The following PDE4D variants were observed in gnomAD, a reference collection of about 807,000 sequenced individuals.
PDE4D encodes 3',5'-cyclic-AMP phosphodiesterase 4D.
Under a neutral mutation model 87.4 loss-of-function variants are expected in PDE4D, and 24 were observed. The ratio of observed to expected loss-of-function variants is 0.27; its 90% CI spans 0.20 to 0.39. PDE4D has a LOEUF of 0.39. PDE4D is among the 10% of genes least tolerant of loss of function. The probability of loss-of-function intolerance (pLI) is 1.00; values close to 1 mark genes in which losing one functional copy is unlikely to be tolerated. For synonymous variants in PDE4D, 384 were observed against 383.2 expected (o/e 1.00, Z -0.02); for missense variants, 714 against 1,041.0 (o/e 0.69, Z 4.32).
chr5:59,361,922 C>A (rs1036341380), intron 1 of PDE4D, among the ~76,000 whole-genome samples: 1 of 152,076 alleles, frequency 6.6e-6, no homozygotes, highest in African/African-American at 2.4e-5. Flanking sequence ...TATTTAGTTT[C>A]TTTTTCCTAT....
chr5:60,323,953 C>G lies in PDE4D; in HGVS notation c.-89-138266G>C, dbSNP rs113522576. Among the ~76,000 whole-genome samples, 8 of 152,266 alleles carry G rather than the reference C, an allele frequency of 5.3e-5. 1 individual carries two copies. Among genetic ancestry groups the G allele is most frequent in the African/African-American group, 1.9e-4 (8 of 41,496 alleles). Reference sequence around the variant, plus strand: ...TATGGCCCCAACAAGAACTAACTCTCTCATTAATTTCCTCTGGTAGCACCA... The same window carrying G: ...TATGGCCCCAACAAGAACTAACTCTGTCATTAATTTCCTCTGGTAGCACCA... On this transcript the variant is annotated intron_variant, in intron 1 of 16. Transcript: ENST00000502484.
intron 5 of PDE4D, among the ~76,000 whole-genome samples, chr5:59,107,754 T>C (rs868673606): frequency 6.6e-6 from 1 of 152,190 alleles, no homozygotes; most frequent in Non-Finnish European, 1.5e-5. Context: ...GTGTAGGCTC[T>C]TCTTGACTCG....
chr5:59,486,381 A>G (rs1472156915), intron 1 of PDE4D, among the ~76,000 whole-genome samples: 2 of 152,200 alleles, frequency 1.3e-5, no homozygotes, highest in East Asian at 3.8e-4. Flanking sequence ...TGGATATTTG[A>G]AATACATACC....
At position 60,315,118 on chromosome 5, in the gene PDE4D, C is replaced by T. The variant is rs577295701; in HGVS notation, c.-89-129431G>A. Among the ~76,000 whole-genome samples, 211 of 152,298 alleles carry T rather than the reference C, an allele frequency of 1.4e-3. 1 individual carries two copies. Among genetic ancestry groups the T allele is most frequent in the Admixed American group, 3.3e-3 (51 of 15,306 alleles). ...ATCCCAACAACAGTGTAAAAGTGGT[C>T]CTATTTCTCCACATCCTCTCCAGCA... On this transcript the variant is annotated intron_variant, in intron 1 of 16. Coordinates refer to the PDE4D transcript ENST00000502484.
intron 1 of PDE4D, among the ~76,000 whole-genome samples, chr5:59,659,486 T>A (rs941819608): frequency 6.6e-6 from 1 of 152,214 alleles, no homozygotes; most frequent in African/African-American, 2.4e-5. Flanking sequence ...AAATCACAAC[T>A]GATAAGTGCT....
At chr5:60,006,767 A>C (rs2662432) in intron 2 of PDE4D, among the ~76,000 whole-genome samples, 100,816 of 151,690 alleles carry the variant, frequency 0.66, 35,041 homozygotes, top group East Asian at 0.97. Context: ...AACCTTTTAA[A>C]AATTAAGTGC....
chr5:59,985,137 T>C (rs1368329256), intron 3 of PDE4D, among the ~76,000 whole-genome samples: 1 of 114,496 alleles, frequency 8.7e-6, no homozygotes, highest in African/African-American at 2.6e-5. Context: ...TTTTGTTTTT[T>C]GTTTTTTGTT....
intron 2 of PDE4D, among the ~76,000 whole-genome samples, chr5:60,073,289 C>A (rs1374346089): frequency 6.6e-6 from 1 of 151,870 alleles, no homozygotes; most frequent in East Asian, 1.9e-4. Flanking sequence ...TTGCATTGGT[C>A]CTGTTTATGT....
intron 1 of PDE4D, among the ~76,000 whole-genome samples, chr5:60,412,191 A>G (rs1742101621): frequency 2.0e-5 from 3 of 152,166 alleles, no homozygotes; most frequent in Admixed American, 1.3e-4. Flanking sequence ...GAACACTAGG[A>G]AAATGTTATC....
intron 1 of PDE4D, among the ~76,000 whole-genome samples, chr5:59,819,799 T>TA (rs1348374865): frequency 6.6e-6 from 1 of 152,088 alleles, no homozygotes; most frequent in Non-Finnish European, 1.5e-5. Flanking sequence ...GAGGAGGTGG[T>TA]AAAAAAGAAC....
intron 2 of PDE4D, among the ~76,000 whole-genome samples, chr5:60,047,546 C>A (rs1320537323): frequency 2.0e-5 from 3 of 152,002 alleles, no homozygotes; most frequent in South Asian, 4.2e-4. Flanking sequence ...TGAATGCGTC[C>A]CAGAGATTCT....
At chr5:59,055,197 T>C (rs995662446) in intron 5 of PDE4D, among the ~76,000 whole-genome samples, 2 of 152,136 alleles carry the variant, frequency 1.3e-5, no homozygotes, top group African/African-American at 2.4e-5. Flanking sequence ...AGGCATTTCA[T>C]TGGCAAATGA....
At chr5:59,598,143 A>G (rs973140909) in intron 1 of PDE4D, among the ~76,000 whole-genome samples, 35 of 152,192 alleles carry the variant, frequency 2.3e-4, no homozygotes, top group African/African-American at 8.4e-4. Flanking sequence ...AATGTGGGAA[A>G]TAATTCAATG....
intron 5 of PDE4D, among the ~76,000 whole-genome samples, chr5:59,159,125 T>TCAAAGACC (rs1402222039): frequency 1.6e-5 from 1 of 61,184 alleles, no homozygotes. Context: ...CTCCTCTGAA[T>TCAAAGACC]TCTTACGATA....
At chr5:60,293,752 T>C (rs116777704) in intron 1 of PDE4D, among the ~76,000 whole-genome samples, 210 of 152,326 alleles carry the variant, frequency 1.4e-3, no homozygotes, top group African/African-American at 4.8e-3. Context: ...AGTCACTCAT[T>C]TTGTTGCAGG....
At chr5:59,918,784 A>G (rs1001938529) in intron 3 of PDE4D, among the ~76,000 whole-genome samples, 2 of 152,126 alleles carry the variant, frequency 1.3e-5, no homozygotes, top group African/African-American at 4.8e-5. Flanking sequence ...CATTATCATG[A>G]GTGACCTCAG....
chr5:59,278,952 C>T (rs1182812974), intron 1 of PDE4D, among the ~76,000 whole-genome samples: 1 of 152,058 alleles, frequency 6.6e-6, no homozygotes, highest in Admixed American at 6.6e-5. Flanking sequence ...AGACTTATGA[C>T]ATTTATCCAT....
rs141531361 is a variant in PDE4D, at chr5:60,275,166, G to A, written c.-89-89479C>T. On this transcript the variant is annotated intron_variant, in intron 1 of 16. Transcript: ENST00000502484. ...CTGCCATAGAACAATTCAGAATCTC[G>A]CTGGATGGGACCCAGGCATCAGTAT... is the stretch of plus-strand genomic sequence containing the variant. 4.1e-4 allele frequency among the ~76,000 whole-genome samples: 63 copies of A among 152,204 alleles called. 1 individual carries two copies. The highest frequency in any genetic ancestry group is 7.7e-4 in the East Asian group (4 of 5,176).
intron 2 of PDE4D, among the ~76,000 whole-genome samples, chr5:60,135,925 ACCTTC>A (rs1003959296): frequency 6.6e-6 from 1 of 152,112 alleles, no homozygotes; most frequent in African/African-American, 2.4e-5. Flanking sequence ...TTGACAATAG[ACCTTC>A]CCTTCTCATA....
Sources: gnomAD v4.1 joint callset for allele counts (sites outside exome capture counted in the v4.1 genomes callset) on GRCh38, gnomAD v4.1.1 for gene constraint, MANE v1.5 for transcripts, NCBI Gene and HGNC (gene_info 2026-07-23, HGNC 2026-07-21) for gene names.